LRIG3: variants seen among roughly 807,000 people sequenced by gnomAD.
LRIG3 encodes leucine-rich repeats and immunoglobulin-like domains protein 3.
LRIG3 carries 76 observed loss-of-function variants against 114.5 expected under a neutral mutation model. The observed-to-expected ratio is 0.66, with a 90% CI of 0.55 to 0.80. The LOEUF (loss-of-function observed/expected upper bound fraction) is 0.80. Ranked by LOEUF, LRIG3 falls within the 30% of genes least tolerant of loss-of-function variation. LRIG3 has a pLI of 0.00. For synonymous variants in LRIG3, 512 were observed against 519.8 expected, an observed-to-expected ratio of 0.98 and a Z score of 0.20; for missense variants, 1,239 against 1,382.8, an observed-to-expected ratio of 0.90 and a Z score of 1.65.
At chr12:58,880,965 A>C in intron 12 of LRIG3, 64 bp from the exon 13 acceptor site, 1 of 1,466,894 alleles carries the variant, frequency 6.8e-7, no homozygotes, top group South Asian at 1.3e-5. Context: ...ATACTACTCA[A>C]ATTTGAACAC....
chr12:58,907,821 C>T (rs911991439), intron 3 of LRIG3, among the ~76,000 whole-genome samples: 13 of 152,122 alleles, frequency 8.5e-5, no homozygotes, highest in Non-Finnish European at 1.3e-4. Context: ...CTTGTCTACT[C>T]GATTCTTAGT....
intron 12 of LRIG3, among the ~76,000 whole-genome samples, chr12:58,882,024 A>T (rs1871143882): frequency 6.6e-6 from 1 of 152,226 alleles, no homozygotes. Flanking sequence ...AAGCTACATC[A>T]GAGGTTTTAT....
Position 58,888,848 on chromosome 12 carries a change from A to G in LRIG3, c.774T>C (p.Ala258=), listed in dbSNP as rs1179175218. The part of the protein sequence containing the change: ...RNGVTKLMDG[A]FWGLSNMEIL... ...TTTCCATGTTGCTCAGCCCCCAAAA[A>G]GCTCCATCCATAAGTTTCGTTACTC... The change falls in exon 6 of 19, where the codon GCT becomes GCC. Residue 258 remains alanine, a synonymous_variant. Coordinates refer to ENST00000320743, the MANE Select transcript of LRIG3 (RefSeq NM_153377.5). 1.2e-6 allele frequency: 2 copies of G among 1,613,818 alleles called. No homozygotes were observed. Among genetic ancestry groups the G allele is most frequent in the Admixed American group, 1.7e-5 (1 of 59,988 alleles).
intron 9 of LRIG3, among the ~76,000 whole-genome samples, chr12:58,886,282 AT>A (rs1871274144): frequency 6.6e-6 from 1 of 152,094 alleles, no homozygotes; most frequent in African/African-American, 2.4e-5. Context: ...CCTTCCATCC[AT>A]AGGAGTTTGG....
intron 3 of LRIG3, among the ~76,000 whole-genome samples, chr12:58,910,585 G>A (rs887857233): frequency 6.6e-6 from 1 of 152,098 alleles, no homozygotes; most frequent in Non-Finnish European, 1.5e-5. Flanking sequence ...TCCAGCCTGG[G>A]TGACACTGCG....
At chr12:58,897,884 T>C (rs750565682) in intron 3 of LRIG3, among the ~76,000 whole-genome samples, 9 of 152,224 alleles carry the variant, frequency 5.9e-5, no homozygotes, top group South Asian at 2.1e-4. Flanking sequence ...TATCGGACCA[T>C]TGATCTGGTT....
Position 58,920,048 on chromosome 12 carries a change from T to C in LRIG3, c.188A>G (p.Lys63Arg). The change falls in exon 1 of 19, where the codon AAG becomes AGG. Residue 63 changes from lysine to arginine, a missense_variant. Physicochemically the swap from Lys to Arg is conservative, Grantham distance 26. Coordinates refer to ENST00000320743, the MANE Select transcript of LRIG3 (RefSeq NM_153377.5). ...TGGCTCGGGAAGACGCGCTAGCCGC[T>C]TACGACTGCAGTCCAGCAGGTCCCC... ...CLGDLLDCSR[K>R]RLARLPEPLP... The C allele has an allele frequency of 6.4e-7, 1 of 1,553,344 alleles. No individual in the cohort carries two copies. Among genetic ancestry groups the C allele is most frequent in the Non-Finnish European group, 8.7e-7 (1 of 1,148,674 alleles).
chr12:58,916,390 C>T (rs1872483862), intron 1 of LRIG3, among the ~76,000 whole-genome samples: 1 of 152,170 alleles, frequency 6.6e-6, no homozygotes, highest in Non-Finnish European at 1.5e-5. Context: ...CCTTAAATGA[C>T]ATTTACTGCT....
chr12:58,877,433 G>C lies in LRIG3; in HGVS notation c.2503C>G (p.Arg835Gly). Residue 835 changes from arginine to glycine, a missense_variant, in exon 15 of 19, where the codon CGG (arginine) becomes GGG (glycine). Coordinates refer to ENST00000320743, the MANE Select transcript of LRIG3 (RefSeq NM_153377.5). ...VWVVIIYHTR[R>G]RNEDCSITNT... The stretch of plus-strand genomic sequence containing the variant: ...GTAATGCTGCAATCTTCATTCCTCC[G>C]CCTTGTGTGGTATATGATGACCACC... 1.2e-6 allele frequency: 2 copies of C among 1,613,926 alleles called. No individual in the cohort carries two copies. The highest frequency in any genetic ancestry group is 1.7e-6 in the Non-Finnish European group (2 of 1,179,936).
intron 3 of LRIG3, among the ~76,000 whole-genome samples, chr12:58,893,813 C>T (rs746953767): frequency 1.3e-5 from 2 of 152,168 alleles, no homozygotes; most frequent in African/African-American, 2.4e-5. Context: ...TCTCTCTATC[C>T]CCTCCCCTAT....
intron 18 of LRIG3, 88 bp from the exon 19 acceptor site, chr12:58,872,904 C>T (rs1304788226): frequency 6.5e-5 from 98 of 1,500,552 alleles, no homozygotes; most frequent in Non-Finnish European, 1.8e-6. Flanking sequence ...AACATCTTAC[C>T]CCATGAATAT....
chr12:58,876,289 C>T (rs527537118), intron 16 of LRIG3, among the ~76,000 whole-genome samples, 156 bp downstream of exon 16: 8 of 152,252 alleles, frequency 5.3e-5, no homozygotes, highest in African/African-American at 1.4e-4. Flanking sequence ...TTTAAGAGAA[C>T]GGTATAGAAC....
Position 58,920,287 on chromosome 12 carries a change from C to T in LRIG3, c.-52G>A. The T allele has an allele frequency of 2.3e-6, 3 of 1,277,726 alleles. No individual in the cohort carries two copies. Among genetic ancestry groups the T allele is most frequent in the Non-Finnish European group, 3.0e-6 (3 of 1,005,890 alleles). 79.1% of individuals were successfully genotyped at this position (1,277,726 alleles called of 1,614,324 possible). On this transcript the variant is annotated 5_prime_UTR_variant, in exon 1 of 19. Coordinates refer to ENST00000320743, the MANE Select transcript of LRIG3 (RefSeq NM_153377.5). ...CCGAAGCTCCCAGCCGGCGCGCGCT[C>T]GGGGCCCGGCACAAACTTCCAGCCG...
Position 58,913,796 on chromosome 12 carries a change from T to C in LRIG3, c.383+186A>G, listed in dbSNP as rs900122962. The C allele has an allele frequency of 9.0e-6, 5 of 558,640 alleles. No individual in the cohort carries two copies. The African/African-American group carries it at 9.5e-5, about 11-fold the overall frequency. 34.6% of individuals were successfully genotyped at this position (558,640 alleles called of 1,614,324 possible). On this transcript the variant is annotated intron_variant, in intron 3 of 18. Coordinates refer to ENST00000320743, the MANE Select transcript of LRIG3 (RefSeq NM_153377.5). ...TAAAGTGTGTTGTTATAAGAATACA[T>C]GAAATTTAGCAGTGAGAGAGTTAGA...
intron 3 of LRIG3, among the ~76,000 whole-genome samples, chr12:58,893,656 G>A (rs1354161150): frequency 2.0e-5 from 3 of 152,176 alleles, no homozygotes; most frequent in Non-Finnish European, 4.4e-5. Flanking sequence ...CACGCCACAA[G>A]GCCTTAGGGT....
chr12:58,882,916 A>C lies in LRIG3; in HGVS notation c.1433T>G (p.Leu478Arg). Residue 478 changes from leucine to arginine, a missense_variant, in exon 12 of 19, where the codon CTA becomes CGA. Coordinates refer to ENST00000320743, the MANE Select transcript of LRIG3 (RefSeq NM_153377.5). Reference protein sequence around the residue: ...VNASCAHPQLLKGRSIFAVSP... With the variant: ...VNASCAHPQLRKGRSIFAVSP... ...AACAGCAAAAATGCTTCTTCCTTTT[A>C]GCAGCTGAGGATGGGCACAACTGGC... 1 of 1,614,180 alleles carries C rather than the reference A, an allele frequency of 6.2e-7. No homozygotes were observed. The highest frequency in any genetic ancestry group is 1.1e-5 in the South Asian group (1 of 91,082).
intron 16 of LRIG3, 22 bp from the exon 17 acceptor site, chr12:58,874,595 C>T (rs1183533670): frequency 6.8e-6 from 11 of 1,612,442 alleles, no homozygotes; most frequent in Admixed American, 3.3e-5. Context: ...AAATCTTAGT[C>T]AATGATCCAA....
chr12:58,913,851 C>T (rs567466081), intron 3 of LRIG3, 131 bp downstream of exon 3: 46 of 685,434 alleles, frequency 6.7e-5, no homozygotes, highest in East Asian at 4.6e-4. Context: ...CAATTTAAAG[C>T]GCGTATCTTT....
In LRIG3 at chr12:58,917,502, T is replaced by C. The variant is rs577200747; in HGVS notation, c.236+2498A>G. 6.6e-5 allele frequency among the ~76,000 whole-genome samples: 10 copies of C among 152,314 alleles called. No individual in the cohort carries two copies. In the South Asian group the frequency reaches 2.1e-3, roughly 32 times the overall value. On this transcript the variant is annotated intron_variant, in intron 1 of 18. Coordinates refer to ENST00000320743, the MANE Select transcript of LRIG3 (RefSeq NM_153377.5). ...GACAAAGTCTCGCTCACATAGTTAC[T>C]CTTTAAGAGCCACTTTCATTAAAGC...
Sources: allele counts gnomAD v4.1 joint callset (sites outside exome capture counted in the v4.1 genomes callset), GRCh38; gene constraint gnomAD v4.1.1; transcripts MANE v1.5; gene names NCBI Gene and HGNC (gene_info 2026-07-23, HGNC 2026-07-21).